ANKRD46: variants seen among roughly 807,000 people sequenced by gnomAD.
ANKRD46 encodes ankyrin repeat domain 46.
A neutral mutation model predicts 19.8 loss-of-function variants in ANKRD46; 13 were observed. That is an observed-to-expected ratio of 0.66 (90% CI 0.43 to 1.04). The LOEUF (loss-of-function observed/expected upper bound fraction) is 1.04, where lower values mean the gene tolerates loss of function less well. ANKRD46 is among the 50% of genes least tolerant of loss of function. The pLI, the probability that ANKRD46 is intolerant of heterozygous loss-of-function variation, is 0.00. For synonymous variants in ANKRD46, 91 were observed against 106.9 expected (o/e 0.85, Z 0.92); for missense variants, 185 against 274.8 (o/e 0.67, Z 2.31).
At chr8:100,556,515 T>TG (rs1336100444) in intron 1 of ANKRD46, 4 of 152,216 alleles carry the variant, frequency 2.6e-5, no homozygotes, top group African/African-American at 9.7e-5. Flanking sequence ...AAATTTACTA[T>TG]GGGAACGACT....
intron 1 of ANKRD46, among the ~76,000 whole-genome samples, chr8:100,558,699 A>T (rs570170291): frequency 6.6e-6 from 1 of 152,326 alleles, no homozygotes; most frequent in Non-Finnish European, 1.5e-5. Context: ...GTTTGGCTAG[A>T]TAACAGACGC....
At chr8:100,513,826 A>C (rs1052751626) in intron 5 of ANKRD46, among the ~76,000 whole-genome samples, 5 of 152,230 alleles carry the variant, frequency 3.3e-5, no homozygotes, top group African/African-American at 1.2e-4. Flanking sequence ...CACAGTCTAA[A>C]AGAACAGACT....
intron 1 of ANKRD46, among the ~76,000 whole-genome samples, chr8:100,541,472 C>T (rs1459399396): frequency 6.6e-6 from 1 of 152,194 alleles, no homozygotes; most frequent in African/African-American, 2.4e-5. Context: ...ACTGCATCGT[C>T]TGGTGCTTTC....
At chr8:100,519,296 A>T (rs1240987441), downstream of ANKRD46, among the ~76,000 whole-genome samples, 1 of 152,220 alleles carries the variant, frequency 6.6e-6, no homozygotes, top group Non-Finnish European at 1.5e-5. Flanking sequence ...AGGGAGTCAC[A>T]GGAAAGACGG....
rs989329547 is a variant in ANKRD46, at chr8:100,525,126, T to C, written c.471-2355A>G. 1.3e-4 allele frequency among the ~76,000 whole-genome samples: 20 copies of C among 152,174 alleles called. No homozygotes were observed. The highest frequency in any genetic ancestry group is 4.6e-4 in the African/African-American group (19 of 41,432). On this transcript the variant is annotated intron_variant, in intron 4 of 4. Coordinates refer to ENST00000335659, the MANE Select transcript of ANKRD46 (RefSeq NM_001270377.2). The surrounding 1 kb of genome is among the most constrained non-coding windows in gnomAD (Gnocchi z 4.4). Reference sequence around the variant, plus strand: ...TGTCTTGGGGGAATCCTAAGAGAAATGGAAAATATTATAGTAAATACATTT... The same window carrying C: ...TGTCTTGGGGGAATCCTAAGAGAAACGGAAAATATTATAGTAAATACATTT...
Position 100,543,731 on chromosome 8 carries a change from A to T in ANKRD46, c.-130-10420T>A, listed in dbSNP as rs1319557361. Among the ~76,000 whole-genome samples the T allele has an allele frequency of 6.6e-6, 1 of 152,192 alleles. No homozygotes were observed. Among genetic ancestry groups the T allele is most frequent in the Non-Finnish European group, 1.5e-5 (1 of 68,032 alleles). ...TCTTAAACTGTAGAGAAGTATAAGA[A>T]AAGACACACAAAAACAAATTAAAGG... On this transcript the variant is annotated intron_variant, in intron 1 of 4. Transcript: ENST00000335659. The surrounding 1 kb of genome is among the most constrained non-coding windows in gnomAD (Gnocchi z 4.2).
At chr8:100,513,933 ATTTTTATTTC>A (rs1014510467) in intron 5 of ANKRD46, among the ~76,000 whole-genome samples, 2 of 152,170 alleles carry the variant, frequency 1.3e-5, no homozygotes, top group African/African-American at 4.8e-5. Flanking sequence ...TTCAAAACCT[ATTTTTATTTC>A]TTATGGACTG....
In ANKRD46 at chr8:100,559,018, A is replaced by T. The variant is rs1812559156; in HGVS notation, c.-131+693T>A. On this transcript the variant is annotated intron_variant, in intron 1 of 4. Coordinates refer to ENST00000335659, the MANE Select transcript of ANKRD46 (RefSeq NM_001270377.2). This position sits in a 1 kb window ranked among gnomAD's most constrained non-coding sequence, Gnocchi z 6.0. ...TTTTTAAAGATTGAGAAGCGCTACT[A>T]TTCAATGGCATATTTTTACCTTATT... 1 of 152,208 alleles carries T rather than the reference A, an allele frequency of 6.6e-6. No individual in the cohort carries two copies. The allele number at this position is 152,208 out of a possible 1,614,324, so 9.4% of individuals were successfully genotyped here.
rs1351236525 is a variant in ANKRD46 at position 100,537,932 on chromosome 8, C to T, written c.-130-4621G>A. 6.6e-6 allele frequency among the ~76,000 whole-genome samples: 1 copy of T among 152,134 alleles called. No homozygotes were observed. The highest frequency in any genetic ancestry group is 2.4e-5 in the African/African-American group (1 of 41,432). ...ATATTTCCAATATGCCCTGCAGCTG[C>T]TGTAAGTTGTCAAGATAACCAGGAG... On this transcript the variant is annotated intron_variant, in intron 1 of 4. Transcript: ENST00000335659. The surrounding 1 kb of genome is among the most constrained non-coding windows in gnomAD (Gnocchi z 4.2).
At position 100,529,712 on chromosome 8, in the gene ANKRD46, C is replaced by T. The variant is rs765571492; in HGVS notation, c.122G>A (p.Arg41His). 15 of 1,614,202 alleles carry T rather than the reference C, an allele frequency of 9.3e-6. No individual in the cohort carries two copies. Among genetic ancestry groups the T allele is most frequent in the East Asian group, 2.2e-5 (1 of 44,888 alleles). Residue 41 changes from arginine (R) to histidine (H), a missense_variant, in exon 3 of 5, where the codon CGT becomes CAT. Coordinates refer to ENST00000335659, the MANE Select transcript of ANKRD46 (RefSeq NM_001270377.2). The surrounding 1 kb of genome is among the most constrained non-coding windows in gnomAD (Gnocchi z 5.8). Reference sequence around the variant, plus strand: ...AAGGCCTGTTCTGCCCCTGCTGTCACGAATATTTGGGTCAAAGCCACTTTC... The same window carrying T: ...AAGGCCTGTTCTGCCCCTGCTGTCATGAATATTTGGGTCAAAGCCACTTTC... ...LLESGFDPNI[R>H]DSRGRTGLHL...
At chr8:100,515,601 G>A (rs1811616972) in intron 5 of ANKRD46, among the ~76,000 whole-genome samples, 1 of 144,152 alleles carries the variant, frequency 6.9e-6, no homozygotes. Flanking sequence ...CTATCTTTAG[G>A]TATTTCACAC....
chr8:100,526,353 C>T (rs1431380586), intron 4 of ANKRD46, among the ~76,000 whole-genome samples: 2 of 152,104 alleles, frequency 1.3e-5, no homozygotes, highest in Non-Finnish European at 2.9e-5. Context: ...AGAACACATT[C>T]TTGGTTGTTT....
At chr8:100,526,385 G>A (rs188954072) in intron 4 of ANKRD46, among the ~76,000 whole-genome samples, 1 of 152,264 alleles carries the variant, frequency 6.6e-6, no homozygotes, top group African/African-American at 2.4e-5. Context: ...GAAGCTTAAA[G>A]TACTTAATGT....
chr8:100,544,696 C>T lies in ANKRD46; in HGVS notation c.-130-11385G>A, dbSNP rs1812237981. 6.6e-6 allele frequency among the ~76,000 whole-genome samples: 1 copy of T among 152,268 alleles called. No individual in the cohort carries two copies. The highest frequency in any genetic ancestry group is 1.9e-4 in the East Asian group (1 of 5,190). ...CTAAGAGTCCCAGTTTCCTCATTTG[C>T]AAAACTGAGATAATATCTGTCTTAC... On this transcript the variant is annotated intron_variant, in intron 1 of 4. Coordinates refer to ENST00000335659, the MANE Select transcript of ANKRD46 (RefSeq NM_001270377.2). The surrounding 1 kb of genome is among the most constrained non-coding windows in gnomAD (Gnocchi z 4.4).
rs1165306928 is a variant in ANKRD46, at chr8:100,521,188, G to GA, written c.*1366dup. 1 of 984,690 alleles carries GA rather than the reference G, an allele frequency of 1.0e-6. No individual in the cohort carries two copies. Among genetic ancestry groups the GA allele is most frequent in the East Asian group, 1.1e-4 (1 of 8,816 alleles). 61.0% of individuals were successfully genotyped at this position (984,690 alleles called of 1,614,324 possible). ...CAATACTAGATACATAGATACAAGA[G>GA]AAAATACCAAGAAGCAAAAAGAATC... is the stretch of plus-strand genomic sequence containing the variant. On this transcript the variant is annotated 3_prime_UTR_variant, in exon 5 of 5. Coordinates refer to ENST00000335659, the MANE Select transcript of ANKRD46 (RefSeq NM_001270377.2).
rs1812082464 is a variant in ANKRD46 at position 100,537,231 on chromosome 8, G to A, written c.-130-3920C>T. ...CCAATATCAACAAGAATACATAATA[G>A]ATGGATTTTTCATTTTGAAAGGCCA... On this transcript the variant is annotated intron_variant, in intron 1 of 4. Coordinates refer to ENST00000335659, the MANE Select transcript of ANKRD46 (RefSeq NM_001270377.2). This position sits in a 1 kb window ranked among gnomAD's most constrained non-coding sequence, Gnocchi z 4.2. 6.6e-6 allele frequency among the ~76,000 whole-genome samples: 1 copy of A among 152,122 alleles called. No individual in the cohort carries two copies. Among genetic ancestry groups the A allele is most frequent in the South Asian group, 2.1e-4 (1 of 4,834 alleles).
intron 1 of ANKRD46, 153 bp from the exon 2 acceptor site, chr8:100,533,464 C>A (rs1015240002): frequency 6.6e-6 from 1 of 152,030 alleles, no homozygotes. Flanking sequence ...AAATATCTGA[C>A]GAGTAACAAA....
intron 1 of ANKRD46, among the ~76,000 whole-genome samples, chr8:100,538,429 T>G (rs1812108154): frequency 6.6e-6 from 1 of 152,182 alleles, no homozygotes; most frequent in African/African-American, 2.4e-5. Context: ...TTACATTGTA[T>G]TAGGTATTAT....
rs1406209024 is a variant in ANKRD46, at chr8:100,537,071, A to G, written c.-130-3760T>C. Among the ~76,000 whole-genome samples, 1 of 152,156 alleles carries G rather than the reference A, an allele frequency of 6.6e-6. No individual in the cohort carries two copies. Among genetic ancestry groups the G allele is most frequent in the Non-Finnish European group, 1.5e-5 (1 of 68,022 alleles). On this transcript the variant is annotated intron_variant, in intron 1 of 4. Coordinates refer to ENST00000335659, the MANE Select transcript of ANKRD46 (RefSeq NM_001270377.2). The surrounding 1 kb of genome is among the most constrained non-coding windows in gnomAD (Gnocchi z 4.2). Reference sequence around the variant, plus strand: ...CTGACTTGATGAAAAGTCATGCCTAATTTTCTTTTATATCTCAAATTTTGG... The same window carrying G: ...CTGACTTGATGAAAAGTCATGCCTAGTTTTCTTTTATATCTCAAATTTTGG...
Sources: gnomAD v4.1 joint callset for allele counts (sites outside exome capture counted in the v4.1 genomes callset) on GRCh38, gnomAD v4.1.1 for gene constraint, Gnocchi (gnomAD v3.1) non-coding constraint, MANE v1.5 for transcripts, NCBI Gene and HGNC (gene_info 2026-07-23, HGNC 2026-07-21) for gene names.